Variants in VPS13C observed in about 807,000 individuals in gnomAD.
VPS13C encodes intermembrane lipid transfer protein VPS13C.
In VPS13C, 358 loss-of-function variants were observed where a neutral mutation model predicts 456.8. The observed-to-expected ratio is 0.78, with a 90% CI of 0.72 to 0.86. The LOEUF is 0.86. Among genes scored for constraint, VPS13C ranks in the 40% least tolerant of loss-of-function variants. The pLI, the probability that VPS13C is intolerant of heterozygous loss-of-function variation, is 0.00. For synonymous variants in VPS13C, 1,578 were observed against 1,486.7 expected, an observed-to-expected ratio of 1.06 and a Z score of -1.41; for missense variants, 4,818 against 4,385.4, an observed-to-expected ratio of 1.10 and a Z score of -2.79.
chr15:62,039,506 C>T (rs920172322), intron 3 of VPS13C, among the ~76,000 whole-genome samples: 3 of 151,546 alleles, frequency 2.0e-5, no homozygotes, highest in Admixed American at 6.6e-5. Flanking sequence ...TCAAACAACT[C>T]TATAGGAAAA....
Position 61,884,248 on chromosome 15 carries a change from C to T in VPS13C, c.9363G>A (p.Val3121=). The T allele has an allele frequency of 6.2e-7, 1 of 1,610,958 alleles. No individual in the cohort carries two copies. Among genetic ancestry groups the T allele is most frequent in the East Asian group, 2.2e-5 (1 of 44,676 alleles). The part of the protein sequence containing the change: ...GITSSGVVWE[V]KPKQKWKPFS... ...ATGGCTTCCATTTCTGCTTTGGTTT[C>T]ACCTCCCAAACAACACCAGAACTAA... The change falls in exon 68 of 85, where the codon GTG becomes GTA. Residue 3121 remains valine (V), a synonymous_variant. Coordinates refer to ENST00000644861, the MANE Select transcript of VPS13C (RefSeq NM_020821.3).
intron 66 of VPS13C, 185 bp downstream of exon 66, chr15:61,907,079 T>G: frequency 1.5e-6 from 1 of 661,180 alleles, no homozygotes. Flanking sequence ...ATTACTTTGA[T>G]AGAGCTAAGG....
chr15:62,013,988 GCAGTCTAAAAGA>G lies in VPS13C; in HGVS notation c.685-8_688del. On this transcript the variant is annotated splice_acceptor_variant and splice_polypyrimidine_tract_variant and coding_sequence_variant and intron_variant, in exon 10 of 85. Transcript: ENST00000644861. LOFTEE classifies it high-confidence loss of function. The stretch of plus-strand genomic sequence containing the variant: ...TATGCATGGAGTCCAGTGTTCATTT[GCAGTCTAAAAGA>G]AAAAAGGGAATACCTGTGAAACGTG... The G allele has an allele frequency of 6.2e-7, 1 of 1,609,098 alleles. No homozygotes were observed.
In VPS13C at chr15:61,967,531, G is replaced by T. The variant is rs112564496; in HGVS notation, c.2912-84C>A. ...AAACATTTTAGATTTTTAAAAATTT[G>T]TTAATTAAGCTTTAAAAGAAAATCT... On this transcript the variant is annotated intron_variant, in intron 28 of 84. Transcript: ENST00000644861. 4.3e-4 allele frequency: 458 copies of T among 1,065,066 alleles called. 3 individuals carry two copies. In the African/African-American group the frequency reaches 7.2e-3, roughly 17 times the overall value. The allele number at this position is 1,065,066 out of a possible 1,614,324, so 66.0% of individuals were successfully genotyped here. A position where few individuals can be genotyped will look rare whatever the true frequency, so the allele number is the denominator to read the frequency against.
At chr15:61,993,006 G>A (rs1438782888) in intron 16 of VPS13C, among the ~76,000 whole-genome samples, 1 of 152,000 alleles carries the variant, frequency 6.6e-6, no homozygotes, top group Non-Finnish European at 1.5e-5. Flanking sequence ...AGTTTCACAA[G>A]TAGATAAAAC....
intron 66 of VPS13C, among the ~76,000 whole-genome samples, chr15:61,897,012 G>C (rs1000907358): frequency 6.6e-6 from 1 of 152,236 alleles, no homozygotes; most frequent in East Asian, 1.9e-4. Context: ...CACACGGCAG[G>C]GTACTCCAAC....
At chr15:61,956,279 T>C (rs2044992413) in intron 37 of VPS13C, among the ~76,000 whole-genome samples, 4 of 143,166 alleles carry the variant, frequency 2.8e-5, no homozygotes, top group Admixed American at 2.2e-4. Flanking sequence ...AAACATTAAG[T>C]ACACATGGAC....
chr15:61,952,975 T>A (rs2044854743), intron 38 of VPS13C, among the ~76,000 whole-genome samples: 2 of 152,098 alleles, frequency 1.3e-5, no homozygotes, highest in Admixed American at 6.6e-5. Context: ...CCTCCAGTCT[T>A]GGCCTCCCAG....
At chr15:62,030,508 T>G (rs1243954275) in intron 5 of VPS13C, among the ~76,000 whole-genome samples, 1 of 152,094 alleles carries the variant, frequency 6.6e-6, no homozygotes, top group East Asian at 1.9e-4. Flanking sequence ...TACAGAACTG[T>G]GAGCCAATTA....
chr15:61,867,676 C>A lies in VPS13C; in HGVS notation c.10863+983G>T. ...TCAATAAAGGCTTTCATCTATTAAA[C>A]GCAGAAGAGAGCTGATTCTCTGCAT... is the stretch of plus-strand genomic sequence containing the variant. On this transcript the variant is annotated intron_variant, in intron 81 of 84. Coordinates refer to ENST00000644861, the MANE Select transcript of VPS13C (RefSeq NM_020821.3). This position sits in a 1 kb window ranked among gnomAD's most constrained non-coding sequence, Gnocchi z 5.0. 7.8e-7 allele frequency: 1 copy of A among 1,285,092 alleles called. No individual in the cohort carries two copies. Among genetic ancestry groups the A allele is most frequent in the Non-Finnish European group, 9.9e-7 (1 of 1,014,800 alleles). The allele number at this position is 1,285,092 out of a possible 1,614,324, so 79.6% of individuals were successfully genotyped here.
At chr15:62,002,245 T>A (rs1389475564) in intron 15 of VPS13C, among the ~76,000 whole-genome samples, 3 of 152,236 alleles carry the variant, frequency 2.0e-5, no homozygotes, top group Non-Finnish European at 4.4e-5. Context: ...ATTGTGGTTT[T>A]GATTTGCATT....
chr15:62,013,204 C>A (rs1420356940), intron 10 of VPS13C, 85 bp from the exon 11 acceptor site: 35 of 938,482 alleles, frequency 3.7e-5, no homozygotes, highest in Non-Finnish European at 5.2e-5. Flanking sequence ...ATGTTCACCA[C>A]TCCAAAATTA....
At chr15:62,038,026 G>A (rs920065761) in intron 3 of VPS13C, among the ~76,000 whole-genome samples, 1 of 152,056 alleles carries the variant, frequency 6.6e-6, no homozygotes, top group African/African-American at 2.4e-5. Flanking sequence ...ACAGAATATT[G>A]AATAAAGAAA....
chr15:61,888,326 A>T (rs765092397), intron 67 of VPS13C, among the ~76,000 whole-genome samples: 5 of 152,208 alleles, frequency 3.3e-5, no homozygotes, highest in Non-Finnish European at 7.3e-5. Context: ...CATATGATCC[A>T]GCAATCATAT....
At chr15:61,865,915 G>C in intron 81 of VPS13C, 1 of 979,436 alleles carries the variant, frequency 1.0e-6, no homozygotes, top group African/African-American at 1.8e-5. Context: ...TAGTACTTAG[G>C]AGAAAAAGGA....
At chr15:61,931,018 A>G (rs1833714310) in intron 50 of VPS13C, 72 bp downstream of exon 50, 1 of 1,553,966 alleles carries the variant, frequency 6.4e-7, no homozygotes, top group South Asian at 1.1e-5. Flanking sequence ...TCCCTAGCCT[A>G]GCAATGCCTG....
intron 42 of VPS13C, among the ~76,000 whole-genome samples, chr15:61,948,930 C>T (rs560942460): frequency 7.4e-4 from 113 of 152,242 alleles, no homozygotes; most frequent in African/African-American, 2.5e-3. Context: ...TAACATAAGT[C>T]ATATGCCTGA....
At chr15:62,036,927 C>T (rs891414253) in intron 3 of VPS13C, among the ~76,000 whole-genome samples, 3 of 150,704 alleles carry the variant, frequency 2.0e-5, no homozygotes, top group African/African-American at 7.3e-5. Context: ...CCACACTGAC[C>T]CTACAGGTTA....
At chr15:61,874,454 T>C (rs1305265095) in intron 77 of VPS13C, among the ~76,000 whole-genome samples, 1 of 152,032 alleles carries the variant, frequency 6.6e-6, no homozygotes, top group Non-Finnish European at 1.5e-5. Flanking sequence ...CATAAATATA[T>C]ACAATCATGT....
Sources: allele counts gnomAD v4.1 joint callset (sites outside exome capture counted in the v4.1 genomes callset), GRCh38; gene constraint gnomAD v4.1.1; non-coding constraint Gnocchi (gnomAD v3.1); transcripts MANE v1.5; gene names NCBI Gene and HGNC (gene_info 2026-07-23, HGNC 2026-07-21).